DISP3: variants seen among roughly 807,000 people sequenced by gnomAD.
DISP3 encodes the protein protein dispatched homolog 3.
In DISP3, 101 loss-of-function variants were observed where a neutral mutation model predicts 135.3. The ratio of observed to expected loss-of-function variants is 0.75; its 90% CI spans 0.64 to 0.88. The LOEUF (loss-of-function observed/expected upper bound fraction) is 0.88, where lower values mean the gene tolerates loss of function less well. Ranked by LOEUF, DISP3 falls within the 40% of genes least tolerant of loss-of-function variation. The pLI, the probability that DISP3 is intolerant of heterozygous loss-of-function variation, is 0.00. For missense variants in DISP3, 1,713 were observed against 1,878.6 expected, an observed-to-expected ratio of 0.91 and a Z score of 1.63; for synonymous variants, 856 against 817.0, an observed-to-expected ratio of 1.05 and a Z score of -0.81.
chr1:11,481,063 T>TCACA lies in DISP3; in HGVS notation c.-4+1696_-4+1699dup, dbSNP rs56171241. ...TTCTCTCTCTCTCTCTCTCTCTCTC[T>TCACA]CACACACATACACACACACACACGC... On this transcript the variant is annotated intron_variant, in intron 1 of 20. Transcript: ENST00000294484. 7.8e-4 allele frequency among the ~76,000 whole-genome samples: 113 copies of TCACA among 144,948 alleles called. 1 individual carries two copies. The highest frequency in any genetic ancestry group is 2.5e-3 in the African/African-American group (95 of 38,270).
Position 11,501,846 on chromosome 1 carries a change from C to G in DISP3, c.854C>G (p.Ala285Gly), listed in dbSNP as rs200987282. ...CTCATCTTCCTGGCGCGCGGCGACG[C>G]GGAGCGCAACATTTTCACCAGTGAG... is the stretch of plus-strand genomic sequence containing the variant. ...IELIFLARGD[A>G]ERNIFTSERL... The change falls in exon 2 of 21, where the codon GCG (alanine) becomes GGG (glycine). Residue 285 changes from alanine (A) to glycine (G), a missense_variant. Coordinates refer to ENST00000294484, the MANE Select transcript of DISP3 (RefSeq NM_020780.2). This position sits in a 1 kb window ranked among gnomAD's most constrained non-coding sequence, Gnocchi z 4.9. 1.5e-4 allele frequency: 247 copies of G among 1,612,032 alleles called. 1 individual carries two copies. The highest frequency in any genetic ancestry group is 2.0e-4 in the Non-Finnish European group (238 of 1,179,152).
chr1:11,484,599 C>G (rs1431746481), intron 1 of DISP3, among the ~76,000 whole-genome samples: 1 of 152,222 alleles, frequency 6.6e-6, no homozygotes, highest in African/African-American at 2.4e-5. Context: ...AGGGTCTCGT[C>G]TGCAGAACTC....
Position 11,531,070 on chromosome 1 carries a change from G to A in DISP3, c.3229+37G>A. ...GTGGGGAGCTGGTTCCTCCGAGGGA[G>A]GATGGACTGACTGGGGAGGCACAGA... On this transcript the variant is annotated intron_variant, in intron 16 of 20. Coordinates refer to ENST00000294484, the MANE Select transcript of DISP3 (RefSeq NM_020780.2). The surrounding 1 kb of genome is among the most constrained non-coding windows in gnomAD (Gnocchi z 5.2). 1 of 1,609,470 alleles carries A rather than the reference G, an allele frequency of 6.2e-7. No homozygotes were observed. The highest frequency in any genetic ancestry group is 8.5e-7 in the Non-Finnish European group (1 of 1,179,278).
chr1:11,501,675 A>T lies in DISP3; in HGVS notation c.683A>T (p.Lys228Met), dbSNP rs763290485. ...GACCCGCGAAACCAGCGGCTGAGCA[A>T]GAATGGGCGGTACCAGCCCAGCATC... ...SEDPRNQRLS[K>M]NGRYQPSIPP... is the part of the protein sequence containing the mutation. The change falls in exon 2 of 21, where the codon AAG (lysine) becomes ATG (methionine). Residue 228 changes from lysine (K) to methionine (M), a missense_variant. Transcript: ENST00000294484. This position sits in a 1 kb window ranked among gnomAD's most constrained non-coding sequence, Gnocchi z 4.9. The T allele has an allele frequency of 1.2e-6, 2 of 1,606,820 alleles. No homozygotes were observed. Among genetic ancestry groups the T allele is most frequent in the Non-Finnish European group, 1.7e-6 (2 of 1,177,520 alleles).
Position 11,499,147 on chromosome 1 carries a change from G to C in DISP3, c.-3-1843G>C, listed in dbSNP as rs948713798. Among the ~76,000 whole-genome samples the C allele has an allele frequency of 2.6e-5, 4 of 152,100 alleles. No individual in the cohort carries two copies. The highest frequency in any genetic ancestry group is 7.2e-5 in the African/African-American group (3 of 41,406). ...TGGCATTCCTGGTGGAATAGCAATG[G>C]GATCAAGGGGCCTTCAGATCACCCA... On this transcript the variant is annotated intron_variant, in intron 1 of 20. Coordinates refer to ENST00000294484, the MANE Select transcript of DISP3 (RefSeq NM_020780.2). The surrounding 1 kb of genome is among the most constrained non-coding windows in gnomAD (Gnocchi z 5.2).
chr1:11,498,296 T>C (rs1350876417), intron 1 of DISP3, among the ~76,000 whole-genome samples: 1 of 152,188 alleles, frequency 6.6e-6, no homozygotes, highest in Non-Finnish European at 1.5e-5. Flanking sequence ...TCAAGGCTAG[T>C]GGTTACTCAA....
At chr1:11,522,816 ACCCAGCCAGAG>A (rs1570131317) in intron 10 of DISP3, among the ~76,000 whole-genome samples, 14 of 34,762 alleles carry the variant, frequency 4.0e-4, no homozygotes, top group Admixed American at 7.2e-4. Flanking sequence ...CCCAGCCAGG[ACCCAGCCAGAG>A]CCCAGCCAGG....
intron 11 of DISP3, among the ~76,000 whole-genome samples, chr1:11,524,952 A>C (rs1570137470): frequency 7.3e-5 from 4 of 55,008 alleles, no homozygotes; most frequent in African/African-American, 7.6e-5. Flanking sequence ...CTCCCTCACC[A>C]CCTCCCCCAC....
chr1:11,522,977 C>T (rs572520439), intron 10 of DISP3, among the ~76,000 whole-genome samples: 44 of 150,838 alleles, frequency 2.9e-4, no homozygotes, highest in African/African-American at 8.3e-4. Flanking sequence ...AGGACCCAGC[C>T]GGAGCCCAGC....
chr1:11,525,462 A>G, intron 12 of DISP3, 150 bp downstream of exon 12: 6 of 1,049,458 alleles, frequency 5.7e-6, no homozygotes, highest in Non-Finnish European at 7.9e-6. Flanking sequence ...CATGTCTGTG[A>G]CAGGGACCTG....
At position 11,520,593 on chromosome 1, in the gene DISP3, C is replaced by A; in HGVS notation, c.2201-94C>A. On this transcript the variant is annotated intron_variant, in intron 9 of 20. Coordinates refer to ENST00000294484, the MANE Select transcript of DISP3 (RefSeq NM_020780.2). The surrounding 1 kb of genome is among the most constrained non-coding windows in gnomAD (Gnocchi z 4.8). ...CACCCTTAGGACACCCGCCCCCCAACAACCAGAGCAGTTGTCTCCCGGCAC... is the reference window on the plus strand; with the variant it reads ...CACCCTTAGGACACCCGCCCCCCAAAAACCAGAGCAGTTGTCTCCCGGCAC... The A allele has an allele frequency of 7.0e-7, 1 of 1,433,336 alleles. No individual in the cohort carries two copies. The highest frequency in any genetic ancestry group is 2.3e-5 in the East Asian group (1 of 43,184). 88.8% of individuals were successfully genotyped at this position (1,433,336 alleles called of 1,614,324 possible). A position where few individuals can be genotyped will look rare whatever the true frequency, so the allele number is the denominator to read the frequency against.
intron 12 of DISP3, among the ~76,000 whole-genome samples, chr1:11,526,319 C>T (rs903424012): frequency 6.6e-6 from 1 of 152,248 alleles, no homozygotes; most frequent in Admixed American, 6.5e-5. Flanking sequence ...CCTGTCTTGT[C>T]TTCCTTATTC....
chr1:11,535,182 C>T (rs1260590876), intron 19 of DISP3, 58 bp downstream of exon 19: 3 of 1,480,338 alleles, frequency 2.0e-6, no homozygotes, highest in East Asian at 4.9e-5. Flanking sequence ...CAGACAGTCT[C>T]CCCGGTGGCC....
Position 11,516,045 on chromosome 1 carries a change from A to C in DISP3, c.1633A>C (p.Thr545Pro). The part of the protein sequence containing the change: ...FVFINTYRQA[T>P]HLEDPQLRMI... The stretch of plus-strand genomic sequence containing the variant: ...GTTCATCAACACCTACCGCCAGGCC[A>C]CCCACCTGGAAGACCCACAGCTGCG... Residue 545 changes from threonine (T) to proline (P), a missense_variant, in exon 6 of 21, where the codon ACC becomes CCC. Around this residue, in one of 2 missense-constraint regions of DISP3, gnomAD observed 1,142 missense variants for 1,384.6 expected, o/e 0.82. Coordinates refer to ENST00000294484, the MANE Select transcript of DISP3 (RefSeq NM_020780.2). The surrounding 1 kb of genome is among the most constrained non-coding windows in gnomAD (Gnocchi z 5.1). 3.1e-6 allele frequency: 5 copies of C among 1,614,016 alleles called. No individual in the cohort carries two copies. The highest frequency in any genetic ancestry group is 4.2e-6 in the Non-Finnish European group (5 of 1,179,968).
Position 11,520,314 on chromosome 1 carries a change from G to A in DISP3, c.2201-373G>A, listed in dbSNP as rs1642147488. Among the ~76,000 whole-genome samples the A allele has an allele frequency of 6.6e-6, 1 of 152,226 alleles. No individual in the cohort carries two copies. Among genetic ancestry groups the A allele is most frequent in the African/African-American group, 2.4e-5 (1 of 41,450 alleles). On this transcript the variant is annotated intron_variant, in intron 9 of 20. Coordinates refer to ENST00000294484, the MANE Select transcript of DISP3 (RefSeq NM_020780.2). The surrounding 1 kb of genome is among the most constrained non-coding windows in gnomAD (Gnocchi z 4.8). ...CAGCCCAGCGCGTGGCGTGCGGTAA[G>A]TGCTCAGTGAATGTCAAGTGCTATT...
chr1:11,517,836 C>T (rs1001881065), intron 7 of DISP3, among the ~76,000 whole-genome samples: 12 of 152,172 alleles, frequency 7.9e-5, no homozygotes, highest in African/African-American at 2.9e-4. Flanking sequence ...CCATTCACTT[C>T]CCAAAGAACC....
At chr1:11,503,115 G>A (rs61054790) in intron 3 of DISP3, among the ~76,000 whole-genome samples, 23,285 of 152,170 alleles carry the variant, frequency 0.15, 2,894 homozygotes, top group African/African-American at 0.34. Flanking sequence ...GACAGCTTTG[G>A]GCCAGGTAGG....
At chr1:11,488,234 C>A (rs1557591103) in intron 1 of DISP3, among the ~76,000 whole-genome samples, 1 of 152,166 alleles carries the variant, frequency 6.6e-6, no homozygotes, top group Non-Finnish European at 1.5e-5. Context: ...ACTTTCCATC[C>A]CCAGCCCTAG....
rs761377717 is a variant in DISP3, at chr1:11,501,249, T to C, written c.257T>C (p.Met86Thr). ...LVLFLGCSIP[M>T]ALSAFMFLYY... Reference sequence around the variant, plus strand: ...CTCTTCCTGGGCTGCAGCATCCCCATGGCCCTGTCAGCCTTCATGTTCCTT... The same window carrying C: ...CTCTTCCTGGGCTGCAGCATCCCCACGGCCCTGTCAGCCTTCATGTTCCTT... Residue 86 changes from methionine to threonine, a missense_variant, in exon 2 of 21, where the codon ATG (methionine) becomes ACG (threonine). By Grantham distance (81) the Met-to-Thr change is moderately conservative (BLOSUM62 -1). Transcript: ENST00000294484. This position sits in a 1 kb window ranked among gnomAD's most constrained non-coding sequence, Gnocchi z 4.9. 4 of 1,614,060 alleles carry C rather than the reference T, an allele frequency of 2.5e-6. No individual in the cohort carries two copies. The African/African-American group carries it at 4.0e-5, about 16-fold the overall frequency.
Sources: gnomAD v4.1 joint callset for allele counts (sites outside exome capture counted in the v4.1 genomes callset) on GRCh38, gnomAD v4.1.1 for gene constraint, gnomAD v4.1.1 regional missense constraint, Gnocchi (gnomAD v3.1) non-coding constraint, MANE v1.5 for transcripts, NCBI Gene and HGNC (gene_info 2026-07-23, HGNC 2026-07-21) for gene names.